The following DGKG variants were observed in gnomAD, a reference collection of about 807,000 sequenced individuals.
DGKG encodes the protein diacylglycerol kinase gamma.
In DGKG, 78 loss-of-function variants were observed where a neutral mutation model predicts 105.3. The observed-to-expected ratio is 0.74, with a 90% confidence interval of 0.62 to 0.89. The LOEUF (loss-of-function observed/expected upper bound fraction) is 0.89. Among genes scored for constraint, DGKG ranks in the 40% least tolerant of loss-of-function variants. DGKG has a pLI of 0.00. For synonymous variants in DGKG, 346 were observed against 367.1 expected (o/e 0.94, Z 0.66); for missense variants, 958 against 1,020.1 (o/e 0.94, Z 0.83).
rs186707751 is a variant in DGKG, at chr3:186,219,650, G to A, written c.1827-7765C>T. Among the ~76,000 whole-genome samples, 225 of 152,182 alleles carry A rather than the reference G, an allele frequency of 1.5e-3. 1 individual carries two copies. Among genetic ancestry groups the A allele is most frequent in the Non-Finnish European group, 6.2e-4 (42 of 68,012 alleles). On this transcript the variant is annotated intron_variant, in intron 20 of 24. Coordinates refer to ENST00000265022, the MANE Select transcript of DGKG (RefSeq NM_001346.3). ...GTTCATGGCACTCAGAAAAATCTAG[G>A]GTGGTGAATGATGGGAAGACTGGAG...
chr3:186,218,148 C>T (rs143610368), intron 20 of DGKG, among the ~76,000 whole-genome samples: 1 of 152,078 alleles, frequency 6.6e-6, no homozygotes, highest in Admixed American at 6.5e-5. Flanking sequence ...ATCAAACACA[C>T]CAGCATGTGA....
At chr3:186,274,168 T>C (rs1722465002) in intron 10 of DGKG, among the ~76,000 whole-genome samples, 1 of 152,158 alleles carries the variant, frequency 6.6e-6, no homozygotes, top group Admixed American at 6.5e-5. Context: ...CTTTACAGAA[T>C]GTAAAATGCT....
At chr3:186,153,321 G>C (rs925234601) in intron 24 of DGKG, among the ~76,000 whole-genome samples, 9 of 152,106 alleles carry the variant, frequency 5.9e-5, no homozygotes, top group African/African-American at 2.2e-4. Context: ...GTTGGATGTG[G>C]CTAAGCCTGC....
chr3:186,326,008 T>C, intron 1 of DGKG, among the ~76,000 whole-genome samples: 1 of 152,210 alleles, frequency 6.6e-6, no homozygotes, highest in East Asian at 1.9e-4. Context: ...TGGTGAAGAA[T>C]GGCATTTGAA....
chr3:186,298,032 G>A lies in DGKG; in HGVS notation c.310+32C>T, dbSNP rs149311935. The A allele has an allele frequency of 5.6e-4, 888 of 1,583,008 alleles. 7 individuals carry two copies. The African/African-American group carries it at 0.01, about 18-fold the overall frequency. ...GTGGCAGGGGATGAGAGCTGCGCAA[G>A]GTCTTCCCATCTTGGGGAAAGCTCT... On this transcript the variant is annotated intron_variant, in intron 4 of 24. Transcript: ENST00000265022.
chr3:186,200,307 C>A (rs1329602133), intron 21 of DGKG, among the ~76,000 whole-genome samples: 1 of 152,130 alleles, frequency 6.6e-6, no homozygotes, highest in Non-Finnish European at 1.5e-5. Flanking sequence ...CAGTCATGCA[C>A]CCCGTAAACA....
chr3:186,299,810 T>TTTCC (rs1560141871), intron 3 of DGKG, among the ~76,000 whole-genome samples: 56 of 102,250 alleles, frequency 5.5e-4, no homozygotes, highest in African/African-American at 2.1e-3. Context: ...TCTTTCTTTC[T>TTTCC]TTCTTTCTTT....
chr3:186,236,299 G>T (rs1174765106), intron 20 of DGKG, among the ~76,000 whole-genome samples: 2 of 152,184 alleles, frequency 1.3e-5, no homozygotes, highest in Non-Finnish European at 2.9e-5. Flanking sequence ...AATCCAATTT[G>T]TCACTCCATT....
At chr3:186,158,581 T>G (rs1716142041) in intron 24 of DGKG, 10 of 931,200 alleles carry the variant, frequency 1.1e-5, no homozygotes, top group Non-Finnish European at 1.3e-5. Context: ...GTAAACTAGT[T>G]TATGATCTAG....
chr3:186,198,912 T>C (rs1390203047), intron 21 of DGKG, among the ~76,000 whole-genome samples: 2 of 152,126 alleles, frequency 1.3e-5, no homozygotes, highest in Non-Finnish European at 1.5e-5. Flanking sequence ...GAAAAGGTGA[T>C]GTATTGAGTG....
chr3:186,302,718 C>T (rs1455027060), intron 3 of DGKG, among the ~76,000 whole-genome samples: 1 of 151,364 alleles, frequency 6.6e-6, no homozygotes. Context: ...GGCATGAGTC[C>T]GTATCTTCAA....
Position 186,188,367 on chromosome 3 carries a change from C to G in DGKG, c.1930G>C (p.Gly644Arg). The G allele has an allele frequency of 6.2e-7, 1 of 1,614,018 alleles. No homozygotes were observed. Among genetic ancestry groups the G allele is most frequent in the South Asian group, 1.1e-5 (1 of 91,080 alleles). Residue 644 changes from glycine (G) to arginine (R), a missense_variant, in exon 22 of 25, where the codon GGG becomes CGG. This residue lies in a region of DGKG where 315 missense variants were observed against 400.6 expected (regional missense o/e 0.79). Transcript: ENST00000265022. ...AGGAAGATGTTGCTCAGGTCCACCC[C>G]AACCCCATCACACTGGAGGACGGAG... Reference protein sequence around the residue: ...DHIELECDGVGVDLSNIFLEG... With the variant: ...DHIELECDGVRVDLSNIFLEG...
chr3:186,254,205 G>T (rs891918732), intron 17 of DGKG, among the ~76,000 whole-genome samples: 1 of 152,124 alleles, frequency 6.6e-6, no homozygotes, highest in Non-Finnish European at 1.5e-5. Flanking sequence ...CCCTGGATGT[G>T]AGCAATGTGA....
intron 21 of DGKG, among the ~76,000 whole-genome samples, chr3:186,204,183 T>C (rs1160549282): frequency 6.6e-6 from 1 of 152,062 alleles, no homozygotes; most frequent in Non-Finnish European, 1.5e-5. Flanking sequence ...CCAAGGCAGG[T>C]AGATCTATTG....
At chr3:186,351,857 C>T (rs1175498907) in intron 1 of DGKG, among the ~76,000 whole-genome samples, 1 of 152,208 alleles carries the variant, frequency 6.6e-6, no homozygotes, top group African/African-American at 2.4e-5. Context: ...AACTGTAATG[C>T]ACATGTAGGA....
intron 1 of DGKG, among the ~76,000 whole-genome samples, chr3:186,334,506 C>G (rs11915467): frequency 0.024 from 3,585 of 152,320 alleles, 149 homozygotes; most frequent in African/African-American, 0.083. Flanking sequence ...ACAACAGCAT[C>G]TAGAGGTGCA....
At chr3:186,273,889 G>A (rs1342428066) in intron 10 of DGKG, among the ~76,000 whole-genome samples, 1 of 152,204 alleles carries the variant, frequency 6.6e-6, no homozygotes, top group African/African-American at 2.4e-5. Flanking sequence ...TCCACATCAC[G>A]GGGCGGGCGG....
chr3:186,295,081 C>G (rs1281856500), intron 5 of DGKG, among the ~76,000 whole-genome samples: 1 of 152,204 alleles, frequency 6.6e-6, no homozygotes, highest in African/African-American at 2.4e-5. Context: ...CTTCCAGTTT[C>G]TCTTTTTGCT....
chr3:186,316,391 A>G (rs776420762), intron 2 of DGKG, among the ~76,000 whole-genome samples: 2 of 152,240 alleles, frequency 1.3e-5, no homozygotes, highest in African/African-American at 2.4e-5. Flanking sequence ...ATGTGTATAT[A>G]TGTATATGTG....
Sources: allele counts gnomAD v4.1 joint callset (sites outside exome capture counted in the v4.1 genomes callset), GRCh38; gene constraint gnomAD v4.1.1; regional missense constraint gnomAD v4.1.1; transcripts MANE v1.5; gene names NCBI Gene and HGNC (gene_info 2026-07-23, HGNC 2026-07-21).